Variants in NOX4 observed in about 807,000 individuals in gnomAD.
NOX4 encodes kidney oxidase-1.
Under a neutral mutation model 87.6 loss-of-function variants are expected in NOX4, and 69 were observed. That is an observed-to-expected ratio of 0.79 (90% CI 0.65 to 0.96). The LOEUF is 0.96. NOX4 is among the 40% of genes least tolerant of loss of function. NOX4 has a pLI of 0.00. For missense variants in NOX4, 680 were observed against 681.5 expected (o/e 1.00, Z 0.02); for synonymous variants, 275 against 238.2 (o/e 1.15, Z -1.42).
chr11:89,530,684 GAT>G, the NOX4 span, among the ~76,000 whole-genome samples: 21 of 151,936 alleles, frequency 1.4e-4, no homozygotes, highest in Non-Finnish European at 2.2e-4. Flanking sequence ...TATTTTTTAG[GAT>G]ATGATTCACT....
upstream of NOX4, among the ~76,000 whole-genome samples, chr11:89,502,235 C>A (rs533490331): frequency 8.5e-5 from 13 of 152,072 alleles, no homozygotes; most frequent in Non-Finnish European, 1.5e-4. Flanking sequence ...ATCCCCTAGT[C>A]CACTTACTAA....
chr11:89,444,490 CACAT>C (rs979487230), intron 4 of NOX4, among the ~76,000 whole-genome samples: 12 of 144,016 alleles, frequency 8.3e-5, no homozygotes, highest in East Asian at 2.0e-4. Context: ...CACACACACA[CACAT>C]ACACACACAC....
rs1945202970 is a variant in NOX4, at chr11:89,325,905, ATATATGTGTG to A, written c.*841_*850del. On this transcript the variant is annotated 3_prime_UTR_variant, in exon 18 of 18. Transcript: ENST00000263317. The stretch of plus-strand genomic sequence containing the variant: ...TATGTGTATATATATATATATATAT[ATATATGTGTG>A]TGTGTGTGTATATATATATGTGTAT... 3.8e-5 allele frequency: 5 copies of A among 131,430 alleles called. No individual in the cohort carries two copies. The highest frequency in any genetic ancestry group is 1.6e-4 in the African/African-American group (5 of 31,380). The allele number at this position is 131,430 out of a possible 1,614,324, so 8.1% of individuals were successfully genotyped here.
intron 2 of NOX4, among the ~76,000 whole-genome samples, chr11:89,483,643 C>A (rs539720008): frequency 7.0e-6 from 1 of 143,268 alleles, no homozygotes. Flanking sequence ...TCAAAGGATA[C>A]AAAATTTCAG....
At chr11:89,574,336 G>C in the NOX4 span, among the ~76,000 whole-genome samples, 113 of 152,252 alleles carry the variant, frequency 7.4e-4, no homozygotes, top group African/African-American at 2.6e-3. Flanking sequence ...ATGGACCCAG[G>C]AATCTTCCCA....
chr11:89,434,000 T>C (rs1268130143), intron 6 of NOX4, among the ~76,000 whole-genome samples: 2 of 152,084 alleles, frequency 1.3e-5, no homozygotes, highest in Non-Finnish European at 2.9e-5. Flanking sequence ...GAATATCCCA[T>C]CTGAGATAAT....
intron 2 of NOX4, among the ~76,000 whole-genome samples, chr11:89,484,567 T>C (rs664472): frequency 0.18 from 26,672 of 151,974 alleles, 2,508 homozygotes; most frequent in African/African-American, 0.25. Flanking sequence ...AGGAGAACAA[T>C]AGACTAAATA....
At chr11:89,488,760 G>T (rs986507801) in intron 2 of NOX4, 56 of 435,450 alleles carry the variant, frequency 1.3e-4, no homozygotes, top group African/African-American at 1.1e-3. Flanking sequence ...ATGAGATAAA[G>T]CTTCCACTGA....
intron 13 of NOX4, among the ~76,000 whole-genome samples, chr11:89,353,589 A>G (rs1937742551): frequency 6.6e-6 from 1 of 152,218 alleles, no homozygotes; most frequent in Non-Finnish European, 1.5e-5. Context: ...ACTTAAAAAA[A>G]AGTGTGACAG....
chr11:89,419,171 A>G (rs1156781631), intron 8 of NOX4, among the ~76,000 whole-genome samples: 2 of 152,086 alleles, frequency 1.3e-5, no homozygotes, highest in Non-Finnish European at 1.5e-5. Context: ...ACCTTATGGT[A>G]CTTACCACAT....
At chr11:89,506,291 GAA>G in the NOX4 span, among the ~76,000 whole-genome samples, 1 of 80,964 alleles carries the variant, frequency 1.2e-5, no homozygotes, top group African/African-American at 4.5e-5. Flanking sequence ...AAGGAAGAAA[GAA>G]AGAAAGAAAG....
upstream of NOX4, among the ~76,000 whole-genome samples, chr11:89,501,819 T>C (rs525992): frequency 0.86 from 130,823 of 152,114 alleles, 56,642 homozygotes; most frequent in Non-Finnish European, 0.92. Context: ...AACTAATACA[T>C]CAGCAGGATG....
At chr11:89,357,812 C>G (rs1249357359) in intron 12 of NOX4, among the ~76,000 whole-genome samples, 2 of 152,104 alleles carry the variant, frequency 1.3e-5, no homozygotes, top group African/African-American at 4.8e-5. Context: ...ATAAGTGTTT[C>G]TCTTTTTACA....
At chr11:89,386,372 C>A (rs975274935) in intron 11 of NOX4, among the ~76,000 whole-genome samples, 1 of 152,188 alleles carries the variant, frequency 6.6e-6, no homozygotes, top group Admixed American at 6.5e-5. Context: ...ACCATCATAA[C>A]TGATATCTCC....
At chr11:89,393,112 G>T (rs1456007539) in intron 11 of NOX4, among the ~76,000 whole-genome samples, 1 of 152,082 alleles carries the variant, frequency 6.6e-6, no homozygotes, top group Non-Finnish European at 1.5e-5. Flanking sequence ...AGGTGATTTT[G>T]CCCCTCAAAA....
At chr11:89,453,311 C>A (rs1461704296) in intron 2 of NOX4, among the ~76,000 whole-genome samples, 3 of 152,268 alleles carry the variant, frequency 2.0e-5, no homozygotes, top group Admixed American at 1.3e-4. Flanking sequence ...ATTTGTCTTT[C>A]TGTGCCTGGC....
At chr11:89,568,738 A>G in the NOX4 span, among the ~76,000 whole-genome samples, 73 of 152,346 alleles carry the variant, frequency 4.8e-4, no homozygotes, top group South Asian at 0.014. Flanking sequence ...ATCCTAAGCA[A>G]AAAGAACTAA....
At chr11:89,445,670 T>C (rs185354018) in intron 4 of NOX4, among the ~76,000 whole-genome samples, 1 of 152,178 alleles carries the variant, frequency 6.6e-6, no homozygotes, top group East Asian at 1.9e-4. Context: ...CACATTTAAA[T>C]AAATAAATCT....
the NOX4 span, among the ~76,000 whole-genome samples, chr11:89,532,697 A>G: frequency 2.0e-5 from 3 of 152,238 alleles, no homozygotes; most frequent in African/African-American, 4.8e-5. Flanking sequence ...GGGAGGGGCC[A>G]GGGGCAGAAT....
Sources: gnomAD v4.1 joint callset for allele counts (sites outside exome capture counted in the v4.1 genomes callset) on GRCh38, gnomAD v4.1.1 for gene constraint, MANE v1.5 for transcripts, NCBI Gene and HGNC (gene_info 2026-07-23, HGNC 2026-07-21) for gene names.